The following SMIM35 variants were observed in gnomAD, a reference collection of about 807,000 sequenced individuals.
SMIM35 encodes small integral membrane protein 35.
At chr11:118,024,102 C>T (rs1482281268) in intron 1 of SMIM35, among the ~76,000 whole-genome samples, 1 of 151,450 alleles carries the variant, frequency 6.6e-6, no homozygotes, top group Non-Finnish European at 1.5e-5. Flanking sequence ...TAATTAGATT[C>T]CCTGAAGGAG....
intron 1 of SMIM35, among the ~76,000 whole-genome samples, chr11:118,075,047 C>A (rs1478383769): frequency 6.6e-6 from 1 of 152,226 alleles, no homozygotes; most frequent in African/African-American, 2.4e-5. Context: ...GGTTCATCAC[C>A]TGAGCACCAG....
chr11:118,037,113 C>G (rs1269578568), intron 1 of SMIM35, among the ~76,000 whole-genome samples: 1 of 152,104 alleles, frequency 6.6e-6, no homozygotes, highest in African/African-American at 2.4e-5. Flanking sequence ...AGTCCCCCCT[C>G]TCAACAGGAA....
chr11:118,066,005 C>T (rs746902308), intron 1 of SMIM35, among the ~76,000 whole-genome samples: 5 of 152,188 alleles, frequency 3.3e-5, no homozygotes, highest in Non-Finnish European at 2.9e-5. Context: ...CATGACCCAG[C>T]CCGCTCGCTC....
At chr11:118,056,723 C>T (rs1237706080) in intron 1 of SMIM35, among the ~76,000 whole-genome samples, 2 of 152,100 alleles carry the variant, frequency 1.3e-5, no homozygotes, top group Non-Finnish European at 2.9e-5. Context: ...GTGGAGATGA[C>T]GGAGAAGATC....
At chr11:118,047,018 A>G (rs867098949) in intron 1 of SMIM35, among the ~76,000 whole-genome samples, 1 of 152,238 alleles carries the variant, frequency 6.6e-6, no homozygotes, top group Non-Finnish European at 1.5e-5. Context: ...CAGTCCCAAG[A>G]ATAGTTTTAT....
intron 1 of SMIM35, among the ~76,000 whole-genome samples, chr11:118,077,701 G>A (rs2135167295): frequency 6.6e-6 from 1 of 152,288 alleles, no homozygotes; most frequent in South Asian, 2.1e-4. Context: ...TGGGGAAACT[G>A]ATTCCTTTTC....
intron 1 of SMIM35, among the ~76,000 whole-genome samples, chr11:118,037,925 T>G (rs966660856): frequency 2.0e-5 from 3 of 152,208 alleles, no homozygotes; most frequent in African/African-American, 7.2e-5. Flanking sequence ...CTGTCACTTT[T>G]TTAAAGCTTT....
chr11:118,057,960 G>A (rs1944340862), intron 1 of SMIM35, among the ~76,000 whole-genome samples: 1 of 152,202 alleles, frequency 6.6e-6, no homozygotes, highest in Non-Finnish European at 1.5e-5. Context: ...CAAAGTAAAC[G>A]ATGATATTCA....
chr11:118,028,645 C>A, intron 1 of SMIM35: 1 of 226,852 alleles, frequency 4.4e-6, no homozygotes, highest in Non-Finnish European at 9.0e-6. Context: ...AGAAAATTGG[C>A]ATAAAATTTA....
At chr11:118,017,349 G>T (rs1385267414) in intron 1 of SMIM35, among the ~76,000 whole-genome samples, 2 of 152,174 alleles carry the variant, frequency 1.3e-5, no homozygotes, top group African/African-American at 2.4e-5. Context: ...AAGAATAATT[G>T]CATATGGATG....
chr11:118,036,476 T>C (rs1337138868), intron 1 of SMIM35, among the ~76,000 whole-genome samples: 1 of 152,262 alleles, frequency 6.6e-6, no homozygotes, highest in Non-Finnish European at 1.5e-5. Context: ...ATGGACTATT[T>C]AACTGAATTT....
chr11:118,057,824 C>G (rs1487907157), intron 1 of SMIM35, among the ~76,000 whole-genome samples: 1 of 152,160 alleles, frequency 6.6e-6, no homozygotes, highest in Non-Finnish European at 1.5e-5. Flanking sequence ...AGGCGGAATG[C>G]AGGCACGAGG....
At chr11:118,058,387 G>C (rs1944347556) in intron 1 of SMIM35, among the ~76,000 whole-genome samples, 2 of 152,196 alleles carry the variant, frequency 1.3e-5, no homozygotes, top group Admixed American at 1.3e-4. Flanking sequence ...TGTGGGGAAG[G>C]GGCTAGAGCT....
At chr11:118,021,829 G>A (rs796641465) in intron 1 of SMIM35, among the ~76,000 whole-genome samples, 27 of 152,214 alleles carry the variant, frequency 1.8e-4, no homozygotes, top group African/African-American at 6.5e-4. Context: ...TATTATTAGA[G>A]AATTCAACTC....
intron 1 of SMIM35, among the ~76,000 whole-genome samples, chr11:118,055,701 AT>A (rs1944300474): frequency 6.6e-6 from 1 of 152,156 alleles, no homozygotes; most frequent in Non-Finnish European, 1.5e-5. Flanking sequence ...ACACCACCCA[AT>A]AGCTGCTTCT....
intron 1 of SMIM35, among the ~76,000 whole-genome samples, chr11:118,079,057 G>C (rs762438386): frequency 2.6e-5 from 4 of 152,120 alleles, no homozygotes; most frequent in South Asian, 4.1e-4. Context: ...CTGGAGGAGC[G>C]GGGGAGGGCA....
chr11:118,041,040 T>C (rs1943992056), intron 1 of SMIM35, among the ~76,000 whole-genome samples: 2 of 152,088 alleles, frequency 1.3e-5, no homozygotes, highest in Admixed American at 1.3e-4. Flanking sequence ...AATATTTCTA[T>C]ACATCACTGG....
chr11:118,053,076 C>T (rs1474239619), intron 1 of SMIM35, among the ~76,000 whole-genome samples: 10 of 152,098 alleles, frequency 6.6e-5, no homozygotes, highest in Non-Finnish European at 1.5e-4. Flanking sequence ...GAGGCCATGA[C>T]GGGTGGATTA....
chr11:118,004,775 G>A lies in SMIM35; in HGVS notation c.*1635C>T, dbSNP rs1044169169. 9 of 152,166 alleles carry A rather than the reference G, an allele frequency of 5.9e-5. No homozygotes were observed. Among genetic ancestry groups the A allele is most frequent in the Admixed American group, 2.0e-4 (3 of 15,280 alleles). 9.4% of individuals were successfully genotyped at this position (152,166 alleles called of 1,614,324 possible). ...CAACTCATCGAGTCACAGGAGCCAC[G>A]GCTGTGTTTGGCATCTGTCTTGCAG... On this transcript the variant is annotated 3_prime_UTR_variant, in exon 5 of 5. Transcript: ENST00000689828.
Sources: allele counts gnomAD v4.1 joint callset (sites outside exome capture counted in the v4.1 genomes callset), GRCh38; gene constraint gnomAD v4.1.1; transcripts MANE v1.5; gene names NCBI Gene and HGNC (gene_info 2026-07-23, HGNC 2026-07-21).